The following IMPG2 variants were observed in gnomAD, a reference collection of about 807,000 sequenced individuals.
IMPG2 encodes the protein IPM 200.
A neutral mutation model predicts 129.2 loss-of-function variants in IMPG2; 91 were observed. The ratio of observed to expected loss-of-function variants is 0.70; its 90% CI spans 0.59 to 0.84. IMPG2 has a LOEUF of 0.84. IMPG2 is among the 40% of genes least tolerant of loss of function. IMPG2 has a pLI of 0.00. For missense variants in IMPG2, 1,430 were observed against 1,461.7 expected (o/e 0.98, Z 0.35); for synonymous variants, 510 against 517.7 (o/e 0.99, Z 0.20).
intron 3 of IMPG2, among the ~76,000 whole-genome samples, chr3:101,295,812 T>G (rs923792558): frequency 6.6e-6 from 1 of 152,196 alleles, no homozygotes; most frequent in Non-Finnish European, 1.5e-5. Context: ...GGTATTTTAT[T>G]CTTTTTGTAG....
chr3:101,276,516 CTTT>C (rs1295124681), intron 5 of IMPG2, 145 bp downstream of exon 5: 1 of 634,646 alleles, frequency 1.6e-6, no homozygotes, highest in Non-Finnish European at 2.8e-6. Context: ...TTAAAAATTA[CTTT>C]TTCTTGAGAC....
At chr3:101,229,254 TACAC>T in intron 17 of IMPG2, 122 bp downstream of exon 17, 1 of 807,512 alleles carries the variant, frequency 1.2e-6, no homozygotes, top group Non-Finnish European at 2.1e-6. Flanking sequence ...AAATATTTTT[TACAC>T]TTTCTTAAAG....
In IMPG2 at chr3:101,257,617, T is replaced by C; in HGVS notation, c.1065A>G (p.Arg355=). The C allele has an allele frequency of 6.2e-7, 1 of 1,613,378 alleles. No homozygotes were observed. Among genetic ancestry groups the C allele is most frequent in the Non-Finnish European group, 8.5e-7 (1 of 1,179,552 alleles). The stretch of plus-strand genomic sequence containing the variant: ...GCTGCAATGTCTCAGCAATATAATC[T>C]CTGAAGTTACTGATTGTATAAACAA... The part of the protein sequence containing the change: ...PTVVYTISNF[R]DYIAETLQQN... Residue 355 remains arginine, a synonymous_variant, in exon 10 of 19, where the codon AGA becomes AGG. Transcript: ENST00000193391.
Position 101,275,713 on chromosome 3 carries a change from C to A in IMPG2, c.616G>T (p.Asp206Tyr). The stretch of plus-strand genomic sequence containing the variant: ...CTCTCTGAGGCACCTTCATAGGCGT[C>A]CACCTCTGGATGTGGAACACTGAGA... ...TTLSVPHPEVDAYEGASESSL... is the reference protein window; with the variant it reads ...TTLSVPHPEVYAYEGASESSL... The change falls in exon 6 of 19, where the codon GAC (aspartate) becomes TAC (tyrosine). Residue 206 changes from aspartate to tyrosine, a missense_variant. Transcript: ENST00000193391. 1 of 1,613,910 alleles carries A rather than the reference C, an allele frequency of 6.2e-7. No individual in the cohort carries two copies. Among genetic ancestry groups the A allele is most frequent in the Non-Finnish European group, 8.5e-7 (1 of 1,179,836 alleles).
chr3:101,260,925 T>A (rs547408688), intron 9 of IMPG2, among the ~76,000 whole-genome samples: 1 of 152,254 alleles, frequency 6.6e-6, no homozygotes, highest in Non-Finnish European at 1.5e-5. Flanking sequence ...TCAATTTTGT[T>A]CCCTAATGAA....
intron 4 of IMPG2, among the ~76,000 whole-genome samples, chr3:101,280,134 C>T (rs975531001): frequency 6.6e-6 from 1 of 152,164 alleles, no homozygotes; most frequent in Non-Finnish European, 1.5e-5. Context: ...TATCTCCTCT[C>T]CTCATTTCAT....
chr3:101,270,195 C>T (rs982177794), intron 7 of IMPG2, among the ~76,000 whole-genome samples: 5 of 151,978 alleles, frequency 3.3e-5, no homozygotes, highest in Non-Finnish European at 5.9e-5. Flanking sequence ...CCTCAGCCTC[C>T]CGAAGTGCTA....
At chr3:101,227,079 C>T (rs754725131) in intron 18 of IMPG2, 98 bp from the exon 19 acceptor site, 1 of 1,284,694 alleles carries the variant, frequency 7.8e-7, no homozygotes, top group Non-Finnish European at 1.1e-6. Flanking sequence ...CTCCTAAAAT[C>T]ATGAATACTT....
In IMPG2 at chr3:101,222,693, CATGA is replaced by C. The variant is rs1706177283; in HGVS notation, c.*4272_*4275del. 6.6e-6 allele frequency: 1 copy of C among 152,086 alleles called. No homozygotes were observed. The allele number at this position is 152,086 out of a possible 1,614,324, so 9.4% of individuals were successfully genotyped here. A position where few individuals can be genotyped will look rare whatever the true frequency, so the allele number is the denominator to read the frequency against. On this transcript the variant is annotated 3_prime_UTR_variant, in exon 19 of 19. Coordinates refer to ENST00000193391, the MANE Select transcript of IMPG2 (RefSeq NM_016247.4). The stretch of plus-strand genomic sequence containing the variant: ...CATTTCAATAAAATAGTACAGTTAA[CATGA>C]ATTTATTTGATTCAAACCCTGGATA...
In IMPG2 at chr3:101,225,987, A is replaced by T. The variant is rs1706217444; in HGVS notation, c.*982T>A. The T allele has an allele frequency of 6.5e-6, 1 of 154,600 alleles. No individual in the cohort carries two copies. Among genetic ancestry groups the T allele is most frequent in the African/African-American group, 2.4e-5 (1 of 41,430 alleles). The allele number at this position is 154,600 out of a possible 1,614,324, so 9.6% of individuals were successfully genotyped here. A position where few individuals can be genotyped will look rare whatever the true frequency, so the allele number is the denominator to read the frequency against. ...ACACAAAGGAGAAGCAATGAAAATG[A>T]GCTCATCTATATTATGTGAGGTAGT... On this transcript the variant is annotated 3_prime_UTR_variant, in exon 19 of 19. Transcript: ENST00000193391.
At chr3:101,313,450 T>C (rs565148033) in intron 2 of IMPG2, among the ~76,000 whole-genome samples, 2 of 152,282 alleles carry the variant, frequency 1.3e-5, no homozygotes, top group Admixed American at 6.5e-5. Context: ...AAGGATATTA[T>C]AGCCTTTGGT....
At position 101,244,330 on chromosome 3, in the gene IMPG2, A is replaced by G. The variant is rs771562187; in HGVS notation, c.2001T>C (p.Tyr667=). 5 of 1,613,808 alleles carry G rather than the reference A, an allele frequency of 3.1e-6. No homozygotes were observed. Among genetic ancestry groups the G allele is most frequent in the Non-Finnish European group, 8.5e-7 (1 of 1,179,946 alleles). The change falls in exon 13 of 19, where the codon TAT becomes TAC. Residue 667 remains tyrosine, a synonymous_variant. Transcript: ENST00000193391. ...STDQISKHSK[Y]EHDDRSTHFP... Reference sequence around the variant, plus strand: ...AGTGTGTGGATCTGTCATCATGTTCATATTTTGAGTGCTTACTAATTTGGT... The same window carrying G: ...AGTGTGTGGATCTGTCATCATGTTCGTATTTTGAGTGCTTACTAATTTGGT...
intron 9 of IMPG2, among the ~76,000 whole-genome samples, chr3:101,262,437 A>C (rs1262369990): frequency 6.6e-6 from 1 of 152,098 alleles, no homozygotes; most frequent in Non-Finnish European, 1.5e-5. Flanking sequence ...AGCTCAGAAT[A>C]TAAGTACACC....
Position 101,244,039 on chromosome 3 carries a change from T to C in IMPG2, c.2292A>G (p.Ser764=), listed in dbSNP as rs759399194. ...SNYEWFDSEV[S]MVKPDMQTLW... ...AAGTTTGCATATCTGGCTTTACCAT[T>C]GAAACCTCACTGTCAAACCATTCAT... The change falls in exon 13 of 19, where the codon TCA becomes TCG. Residue 764 remains serine, a synonymous_variant. Coordinates refer to ENST00000193391, the MANE Select transcript of IMPG2 (RefSeq NM_016247.4). 12 of 1,614,122 alleles carry C rather than the reference T, an allele frequency of 7.4e-6. No homozygotes were observed. In the East Asian group the frequency reaches 1.8e-4, roughly 24 times the overall value.
In IMPG2 at chr3:101,244,598, T is replaced by C; in HGVS notation, c.1733A>G (p.Asp578Gly). The change falls in exon 13 of 19, where the codon GAC (aspartate) becomes GGC (glycine). Residue 578 changes from aspartate (D) to glycine (G), a missense_variant. Physicochemically the swap from Asp to Gly is moderately conservative, Grantham distance 94. Transcript: ENST00000193391. The stretch of plus-strand genomic sequence containing the variant: ...CAGGAAAGGGCTCACTTTTAATTGG[T>C]CTTTGACTTTGGAGGTCAAGGAGTC... ...GLDSLTSKVK[D>G]QLKVSPFLPD... is the part of the protein sequence containing the mutation. The C allele has an allele frequency of 6.3e-7, 1 of 1,598,744 alleles. No homozygotes were observed. The highest frequency in any genetic ancestry group is 8.5e-7 in the Non-Finnish European group (1 of 1,173,082).
chr3:101,245,137 A>C (rs1421090033), intron 12 of IMPG2, among the ~76,000 whole-genome samples: 2 of 152,148 alleles, frequency 1.3e-5, no homozygotes, highest in Admixed American at 6.6e-5. Flanking sequence ...AATTCCCTGA[A>C]CATTGTGTTT....
intron 4 of IMPG2, among the ~76,000 whole-genome samples, chr3:101,285,370 C>A (rs1706933561): frequency 6.6e-6 from 1 of 152,160 alleles, no homozygotes; most frequent in Non-Finnish European, 1.5e-5. Context: ...GAATGTGCTA[C>A]AGACACAGAA....
intron 9 of IMPG2, among the ~76,000 whole-genome samples, chr3:101,266,780 C>T (rs1706725407): frequency 6.6e-6 from 1 of 152,190 alleles, no homozygotes. Context: ...AGCACCCCTC[C>T]TGCATGCCTC....
chr3:101,303,675 G>A (rs1210495689), intron 3 of IMPG2, among the ~76,000 whole-genome samples: 1 of 152,136 alleles, frequency 6.6e-6, no homozygotes, highest in Non-Finnish European at 1.5e-5. Flanking sequence ...GAAAACAAGT[G>A]AGCACACTCA....
Sources: gnomAD v4.1 joint callset for allele counts (sites outside exome capture counted in the v4.1 genomes callset) on GRCh38, gnomAD v4.1.1 for gene constraint, MANE v1.5 for transcripts, NCBI Gene and HGNC (gene_info 2026-07-23, HGNC 2026-07-21) for gene names.